The following TDRD9 variants were observed in gnomAD, a reference collection of about 807,000 sequenced individuals.
The protein encoded by TDRD9 is tudor domain containing 9.
A neutral mutation model predicts 172.6 loss-of-function variants in TDRD9; 124 were observed. The ratio of observed to expected loss-of-function variants is 0.72; its 90% CI spans 0.62 to 0.83. TDRD9 has a LOEUF of 0.83. Ranked by LOEUF, TDRD9 falls within the 40% of genes least tolerant of loss-of-function variation. The probability of loss-of-function intolerance (pLI) is 0.00; values close to 1 mark genes in which losing one functional copy is unlikely to be tolerated. For missense variants in TDRD9, 1,479 were observed against 1,714.1 expected, an observed-to-expected ratio of 0.86 and a Z score of 2.42; for synonymous variants, 619 against 617.1, an observed-to-expected ratio of 1.00 and a Z score of -0.05.
chr14:104,023,088 A>C (rs966641428), intron 24 of TDRD9, among the ~76,000 whole-genome samples: 1 of 147,820 alleles, frequency 6.8e-6, no homozygotes, highest in Non-Finnish European at 1.5e-5. Flanking sequence ...AGGCTGATGC[A>C]GGACAATCAA....
intron 1 of TDRD9, chr14:103,941,386 A>C: frequency 1.3e-6 from 2 of 1,521,432 alleles, no homozygotes; most frequent in Non-Finnish European, 1.8e-6. Flanking sequence ...AAGAGAACAT[A>C]GTATTTTTAC....
intron 7 of TDRD9, among the ~76,000 whole-genome samples, chr14:103,983,479 T>C (rs181199484): frequency 7.9e-4 from 120 of 152,332 alleles, no homozygotes; most frequent in African/African-American, 2.7e-3. Context: ...AAGACTTCTT[T>C]TGATTTGTCC....
chr14:104,028,885 T>G (rs2035201096), intron 28 of TDRD9, among the ~76,000 whole-genome samples: 1 of 152,190 alleles, frequency 6.6e-6, no homozygotes, highest in Non-Finnish European at 1.5e-5. Flanking sequence ...TTTAGTGTTA[T>G]TCTTCTGCAT....
Position 103,928,742 on chromosome 14 carries a change from C to A in TDRD9, c.215+18C>A. On this transcript the variant is annotated intron_variant, in intron 1 of 35. Coordinates refer to ENST00000409874, the MANE Select transcript of TDRD9 (RefSeq NM_153046.3). ...TTCGAAAGGTAGGACGCGGGCGGGG[C>A]GGAGGCGGCTGGAGGGCGGCCGGGC... 1 of 1,056,126 alleles carries A rather than the reference C, an allele frequency of 9.5e-7. No homozygotes were observed. Among genetic ancestry groups the A allele is most frequent in the Non-Finnish European group, 1.2e-6 (1 of 844,596 alleles). 65.4% of individuals were successfully genotyped at this position (1,056,126 alleles called of 1,614,324 possible).
At position 103,991,227 on chromosome 14, in the gene TDRD9, A is replaced by G. The variant is rs1355888408; in HGVS notation, c.1180+3A>G. 3.1e-6 allele frequency: 5 copies of G among 1,613,826 alleles called. No individual in the cohort carries two copies. Among genetic ancestry groups the G allele is most frequent in the Non-Finnish European group, 4.2e-6 (5 of 1,179,872 alleles). On this transcript the variant is annotated splice_donor_region_variant and intron_variant, in intron 9 of 35. Transcript: ENST00000409874. ...CAGTGTGTTGGTGTTTTTGCCAGGTAAGAACATCATAATTTTGTGACTTGG... is the reference window on the plus strand; with the variant it reads ...CAGTGTGTTGGTGTTTTTGCCAGGTGAGAACATCATAATTTTGTGACTTGG...
At chr14:103,965,198 C>A in intron 3 of TDRD9, 135 bp from the exon 4 acceptor site, 2 of 893,522 alleles carry the variant, frequency 2.2e-6, no homozygotes, top group South Asian at 1.7e-5. Context: ...GGCAACAGAG[C>A]GAGACTCCAT....
chr14:103,994,251 A>G (rs2033975899), intron 9 of TDRD9, 81 bp from the exon 10 acceptor site: 1 of 1,213,744 alleles, frequency 8.2e-7, no homozygotes, highest in Non-Finnish European at 1.2e-6. Flanking sequence ...TTTGAAAGAT[A>G]TGCCATTTTA....
chr14:104,041,751 A>C (rs2035617215), intron 33 of TDRD9, among the ~76,000 whole-genome samples: 2 of 152,240 alleles, frequency 1.3e-5, no homozygotes, highest in African/African-American at 4.8e-5. Context: ...GGGAATGCAG[A>C]TTAGTACCAC....
In TDRD9 at chr14:104,011,478, C is replaced by A. The variant is rs560486621; in HGVS notation, c.2106+3012C>A. Among the ~76,000 whole-genome samples, 10 of 152,250 alleles carry A rather than the reference C, an allele frequency of 6.6e-5. No homozygotes were observed. In the East Asian group the frequency reaches 1.4e-3, roughly 21 times the overall value. On this transcript the variant is annotated intron_variant, in intron 20 of 35. Transcript: ENST00000409874. Reference sequence around the variant, plus strand: ...TTAATAACTAGAAATGTATTTCTTACATATTTGATAGAACACATTCAAAAA... The same window carrying A: ...TTAATAACTAGAAATGTATTTCTTAAATATTTGATAGAACACATTCAAAAA...
In TDRD9 at chr14:104,007,192, G is replaced by A. The variant is rs1375216065; in HGVS notation, c.2040G>A (p.Leu680=). Residue 680 remains leucine, a synonymous_variant, in exon 19 of 36, where the codon CTG becomes CTA. Transcript: ENST00000409874. ...AGGCTTGCAGACAGACAGGGGAGCT[G>A]CGGTACCCGAAGGTTGGTGAGCCCT... ...TWKACRQTGE[L]RYPKDELNWG... 6.2e-7 allele frequency: 1 copy of A among 1,613,844 alleles called. No homozygotes were observed. Among genetic ancestry groups the A allele is most frequent in the Non-Finnish European group, 8.5e-7 (1 of 1,179,876 alleles).
At chr14:104,017,965 T>A (rs2034841100) in intron 22 of TDRD9, 127 bp from the exon 23 acceptor site, 1 of 629,774 alleles carries the variant, frequency 1.6e-6, no homozygotes, top group Non-Finnish European at 2.8e-6. Flanking sequence ...GTTTATATAT[T>A]ATGGTTAAAG....
In TDRD9 at chr14:104,014,799, C is replaced by T; in HGVS notation, c.2181C>T (p.Val727=). The T allele has an allele frequency of 6.2e-7, 1 of 1,611,912 alleles. No homozygotes were observed. The highest frequency in any genetic ancestry group is 8.5e-7 in the Non-Finnish European group (1 of 1,178,904). ...FNMHVDSRRP[V]MDQEYIYKQR... ...TGCATGTTGATTCTCGGCGACCTGT[C>T]ATGGACCAAGAGTATATATATAAGC... is the stretch of plus-strand genomic sequence containing the variant. Residue 727 remains valine, a synonymous_variant, in exon 21 of 36, where the codon GTC becomes GTT. Transcript: ENST00000409874.
Position 103,963,124 on chromosome 14 carries a change from C to T in TDRD9, c.368C>T (p.Pro123Leu). ...LAKLSSVTCI[P>L]GTTYKYPDLP... The stretch of plus-strand genomic sequence containing the variant: ...AAATTAAGCAGTGTGACATGCATCC[C>T]AGGGACAACTTATAAATATCCTGAT... The change falls in exon 3 of 36, where the codon CCA becomes CTA. Residue 123 changes from proline to leucine, a missense_variant. Physicochemically the swap from Pro to Leu is moderately conservative, Grantham distance 98 (BLOSUM62 -3). Coordinates refer to ENST00000409874, the MANE Select transcript of TDRD9 (RefSeq NM_153046.3). 6.5e-7 allele frequency: 1 copy of T among 1,549,238 alleles called. No individual in the cohort carries two copies.
intron 20 of TDRD9, 139 bp downstream of exon 20, chr14:104,008,605 A>G: frequency 1.6e-6 from 1 of 615,018 alleles, no homozygotes; most frequent in South Asian, 2.1e-5. Flanking sequence ...TTCCAGCTTT[A>G]GTAGGAGTGT....
chr14:104,035,666 A>G (rs2035429874), intron 32 of TDRD9, among the ~76,000 whole-genome samples: 1 of 152,174 alleles, frequency 6.6e-6, no homozygotes, highest in Admixed American at 6.5e-5. Flanking sequence ...AAGCACTAAC[A>G]TAGGTTTTAG....
intron 30 of TDRD9, among the ~76,000 whole-genome samples, chr14:104,033,732 C>T (rs1193541760): frequency 1.3e-5 from 2 of 152,072 alleles, no homozygotes; most frequent in African/African-American, 2.4e-5. Context: ...GGATCATGCA[C>T]GAGGGAGTGG....
intron 20 of TDRD9, among the ~76,000 whole-genome samples, chr14:104,010,979 A>G (rs1566781527): frequency 6.6e-6 from 1 of 152,228 alleles, no homozygotes; most frequent in Non-Finnish European, 1.5e-5. Flanking sequence ...AGACTTTCAT[A>G]TGATTGGCAG....
chr14:103,992,493 T>C (rs1232929855), intron 9 of TDRD9, among the ~76,000 whole-genome samples: 1 of 152,218 alleles, frequency 6.6e-6, no homozygotes, highest in Non-Finnish European at 1.5e-5. Flanking sequence ...AGATGACTTC[T>C]GTGTGCATCA....
At chr14:103,942,424 C>CAGCTATAG in intron 1 of TDRD9, 1 of 152,296 alleles carries the variant, frequency 6.6e-6, no homozygotes, top group Non-Finnish European at 1.5e-5. Flanking sequence ...AAAATGCCAG[C>CAGCTATAG]AGCTATAGAT....
Sources: allele counts gnomAD v4.1 joint callset (sites outside exome capture counted in the v4.1 genomes callset), GRCh38; gene constraint gnomAD v4.1.1; transcripts MANE v1.5; gene names NCBI Gene and HGNC (gene_info 2026-07-23, HGNC 2026-07-21).